DRC1: variants seen among roughly 807,000 people sequenced by gnomAD.
DRC1 encodes dynein regulatory complex subunit 1.
In DRC1, 74 loss-of-function variants were observed where a neutral mutation model predicts 98.7. The observed-to-expected ratio is 0.75, with a 90% CI of 0.62 to 0.91. The LOEUF is 0.91. Among genes scored for constraint, DRC1 ranks in the 40% least tolerant of loss-of-function variants. The probability of loss-of-function intolerance (pLI) is 0.00; values close to 1 mark genes in which losing one functional copy is unlikely to be tolerated. For missense variants in DRC1, 875 were observed against 886.0 expected (o/e 0.99, Z 0.16); for synonymous variants, 336 against 334.1 (o/e 1.01, Z -0.06).
At chr2:26,415,968 C>T (rs912025986) in intron 2 of DRC1, among the ~76,000 whole-genome samples, 4 of 150,088 alleles carry the variant, frequency 2.7e-5, no homozygotes, top group Admixed American at 6.6e-5. Context: ...TCAGTGATCT[C>T]TGAGCATTTC....
chr2:26,433,825 C>T (rs2147993393), intron 7 of DRC1, among the ~76,000 whole-genome samples: 1 of 152,154 alleles, frequency 6.6e-6, no homozygotes, highest in East Asian at 1.9e-4. Flanking sequence ...CAGATGGAGA[C>T]ATTTCAGGCA....
In DRC1 at chr2:26,455,191, C is replaced by T; in HGVS notation, c.2124C>T (p.Asn708=). Residue 708 remains asparagine (N), a synonymous_variant, in exon 16 of 17, where the codon AAC becomes AAT. Coordinates refer to ENST00000288710, the MANE Select transcript of DRC1 (RefSeq NM_145038.5). ...LLENSSLEQQ[N]TELQALLQQY... ...AAAACAGTTCTCTGGAGCAGCAGAA[C>T]ACAGAGCTGCAGGCGCTACTGCAGC... 2 of 1,614,082 alleles carry T rather than the reference C, an allele frequency of 1.2e-6. No individual in the cohort carries two copies. Among genetic ancestry groups the T allele is most frequent in the Non-Finnish European group, 1.7e-6 (2 of 1,180,040 alleles).
intron 10 of DRC1, among the ~76,000 whole-genome samples, chr2:26,447,200 G>A (rs1166099865): frequency 6.6e-6 from 1 of 152,128 alleles, no homozygotes; most frequent in Non-Finnish European, 1.5e-5. Flanking sequence ...GGATCATGAG[G>A]TCAGGAGTTT....
chr2:26,455,102 G>A (rs1451812186), intron 15 of DRC1, 29 bp from the exon 16 acceptor site: 3 of 1,612,350 alleles, frequency 1.9e-6, no homozygotes, highest in Middle Eastern at 1.6e-4. Flanking sequence ...AGGATTCAGT[G>A]AGCCTCTAAC....
At chr2:26,411,394 C>G (rs1678603928) in intron 1 of DRC1, among the ~76,000 whole-genome samples, 1 of 152,018 alleles carries the variant, frequency 6.6e-6, no homozygotes, top group Non-Finnish European at 1.5e-5. Flanking sequence ...ATTTTTTGTT[C>G]AAAGTCTTCA....
At chr2:26,408,891 C>G (rs779097593) in intron 1 of DRC1, among the ~76,000 whole-genome samples, 13 of 152,130 alleles carry the variant, frequency 8.5e-5, no homozygotes, top group Non-Finnish European at 1.5e-4. Context: ...CCCTTGTACT[C>G]ACAGCTCCCG....
intron 1 of DRC1, among the ~76,000 whole-genome samples, chr2:26,411,013 A>T (rs1213330357): frequency 6.6e-6 from 1 of 152,186 alleles, no homozygotes; most frequent in Non-Finnish European, 1.5e-5. Context: ...CCAAGTTCCA[A>T]TTTTTTTAAA....
chr2:26,437,654 T>C (rs1212493462), intron 7 of DRC1, among the ~76,000 whole-genome samples: 1 of 152,182 alleles, frequency 6.6e-6, no homozygotes, highest in Non-Finnish European at 1.5e-5. Flanking sequence ...GAGTTGTATA[T>C]ATAATTTGTC....
intron 5 of DRC1, 25 bp from the exon 6 acceptor site, chr2:26,430,761 G>A (rs372823290): frequency 7.4e-6 from 12 of 1,612,382 alleles, no homozygotes; most frequent in Non-Finnish European, 1.0e-5. Context: ...ACAGATGCAA[G>A]AGTGTTTTTC....
intron 2 of DRC1, among the ~76,000 whole-genome samples, chr2:26,418,154 C>T (rs1407794546): frequency 1.3e-5 from 2 of 152,046 alleles, no homozygotes; most frequent in African/African-American, 2.4e-5. Flanking sequence ...CTCTAGATTA[C>T]TGAGTCCGAT....
At chr2:26,402,718 C>A (rs545824545) in intron 1 of DRC1, among the ~76,000 whole-genome samples, 1 of 152,338 alleles carries the variant, frequency 6.6e-6, no homozygotes, top group Non-Finnish European at 1.5e-5. Context: ...CCCAGCATCC[C>A]ACTGACCACT....
In DRC1 at chr2:26,455,137, C is replaced by G. The variant is rs114106015; in HGVS notation, c.2070C>G (p.Val690=). 8 of 1,614,094 alleles carry G rather than the reference C, an allele frequency of 5.0e-6. No homozygotes were observed. In the South Asian group the frequency reaches 7.7e-5, roughly 16 times the overall value. ...CCGATTTTTCTGTCCAAAGCCTTGT[C>G]CTGACCCAGAGGGCCAAGCTGCTGC... ...LYTALEKYHL[V]LTQRAKLLLE... is the part of the protein sequence containing the mutation. The change falls in exon 16 of 17, where the codon GTC becomes GTG. Residue 690 remains valine, a synonymous_variant. Transcript: ENST00000288710.
chr2:26,421,516 CCTTATAACTT>C, intron 3 of DRC1, 116 bp downstream of exon 3: 1 of 625,262 alleles, frequency 1.6e-6, no homozygotes, highest in Non-Finnish European at 2.6e-6. Flanking sequence ...CCCTTCCTGC[CCTTATAACTT>C]CTCCCTCCCT....
chr2:26,430,955 T>G, intron 6 of DRC1, 83 bp downstream of exon 6: 1 of 875,480 alleles, frequency 1.1e-6, no homozygotes, highest in Non-Finnish European at 1.7e-6. Flanking sequence ...AGCCTTTTTC[T>G]ATCTTTTTTT....
intron 4 of DRC1, among the ~76,000 whole-genome samples, chr2:26,427,662 T>A (rs1322051925): frequency 1.3e-5 from 2 of 152,106 alleles, no homozygotes; most frequent in African/African-American, 2.4e-5. Context: ...AAATACTAGA[T>A]CTTATTCATT....
At chr2:26,414,734 C>CA (rs763676651) in intron 2 of DRC1, among the ~76,000 whole-genome samples, 8 of 152,170 alleles carry the variant, frequency 5.3e-5, no homozygotes, top group Non-Finnish European at 1.0e-4. Context: ...CTTCACTTTC[C>CA]AAACATATCT....
chr2:26,401,955 C>T lies in DRC1; in HGVS notation c.-35C>T. The T allele has an allele frequency of 1.3e-6, 2 of 1,564,116 alleles. No individual in the cohort carries two copies. The highest frequency in any genetic ancestry group is 1.7e-6 in the Non-Finnish European group (2 of 1,154,428). On this transcript the variant is annotated 5_prime_UTR_variant, in exon 1 of 17. Coordinates refer to ENST00000288710, the MANE Select transcript of DRC1 (RefSeq NM_145038.5). ...ACCAGCCTGAGGTCTGGAGGTGGTG[C>T]GGAGGGAGCCGCCTAGGGACCAGGG...
chr2:26,418,266 A>T (rs1421102675), intron 2 of DRC1, among the ~76,000 whole-genome samples: 1 of 151,722 alleles, frequency 6.6e-6, no homozygotes, highest in Admixed American at 6.6e-5. Context: ...GGCCAATGTT[A>T]TGCAACCCCT....
Position 26,402,040 on chromosome 2 carries a change from C to T in DRC1, c.51C>T (p.His17=). The T allele has an allele frequency of 2.5e-6, 4 of 1,613,218 alleles. No individual in the cohort carries two copies. Among genetic ancestry groups the T allele is most frequent in the Non-Finnish European group, 3.4e-6 (4 of 1,179,716 alleles). The change falls in exon 1 of 17, where the codon CAC becomes CAT. Residue 17 remains histidine (H), a synonymous_variant. Coordinates refer to ENST00000288710, the MANE Select transcript of DRC1 (RefSeq NM_145038.5). ...CCCTGGACCCGAACGTGGACGAGCA[C>T]TTGTCCACCCAGATTCTCGCGCCCT... ...LEALDPNVDE[H]LSTQILAPSV...
Sources: gnomAD v4.1 joint callset for allele counts (sites outside exome capture counted in the v4.1 genomes callset) on GRCh38, gnomAD v4.1.1 for gene constraint, MANE v1.5 for transcripts, NCBI Gene and HGNC (gene_info 2026-07-23, HGNC 2026-07-21) for gene names.